The following PPFIA2 variants were observed in gnomAD, a reference collection of about 807,000 sequenced individuals.
PPFIA2 encodes liprin-alpha-2.
Under a neutral mutation model 175.5 loss-of-function variants are expected in PPFIA2, and 46 were observed. That is an observed-to-expected ratio of 0.26 (90% CI 0.21 to 0.34). The LOEUF is 0.34. Ranked by LOEUF, PPFIA2 falls within the 10% of genes least tolerant of loss-of-function variation. The pLI, the probability that PPFIA2 is intolerant of heterozygous loss-of-function variation, is 1.00. For missense variants in PPFIA2, 1,179 were observed against 1,506.1 expected (o/e 0.78, Z 3.60); for synonymous variants, 568 against 511.4 (o/e 1.11, Z -1.49).
chr12:81,597,041 C>A (rs148181111), intron 4 of PPFIA2, among the ~76,000 whole-genome samples: 10 of 152,148 alleles, frequency 6.6e-5, no homozygotes, highest in African/African-American at 2.2e-4. Context: ...ATTCTCTAGG[C>A]CGTTATACTT....
At chr12:81,701,611 A>C (rs551305842) in intron 3 of PPFIA2, among the ~76,000 whole-genome samples, 1 of 152,140 alleles carries the variant, frequency 6.6e-6, no homozygotes, top group Non-Finnish European at 1.5e-5. Flanking sequence ...AATGAAGATA[A>C]AAATTATAAC....
intron 4 of PPFIA2, among the ~76,000 whole-genome samples, chr12:81,583,053 G>T (rs921193275): frequency 6.6e-6 from 1 of 151,628 alleles, no homozygotes; most frequent in Non-Finnish European, 1.5e-5. Flanking sequence ...TTAATATTTC[G>T]TGGCATCTGC....
chr12:81,457,856 G>A lies in PPFIA2; in HGVS notation c.314C>T (p.Ala105Val). The A allele has an allele frequency of 6.3e-7, 1 of 1,587,160 alleles. No homozygotes were observed. The change falls in exon 5 of 33, where the codon GCA becomes GTA. Residue 105 changes from alanine (A) to valine (V), a missense_variant. Transcript: ENST00000549396. ...GCAGGCATTTAATTCTTTTGTCAGTGCAGCAAATTCCTGGAAAAGTAATAA... is the reference window on the plus strand; with the variant it reads ...GCAGGCATTTAATTCTTTTGTCAGTACAGCAAATTCCTGGAAAAGTAATAA... The part of the protein sequence containing the change: ...SKGADPPEFA[A>V]LTKELNACRE...
chr12:81,518,048 C>T (rs866836195), intron 4 of PPFIA2, among the ~76,000 whole-genome samples: 1 of 152,104 alleles, frequency 6.6e-6, no homozygotes, highest in Admixed American at 6.5e-5. Flanking sequence ...ATGCAACAAA[C>T]TTGCACGTTG....
At chr12:81,728,926 G>A (rs1266951096) in intron 3 of PPFIA2, among the ~76,000 whole-genome samples, 2 of 151,316 alleles carry the variant, frequency 1.3e-5, no homozygotes, top group Non-Finnish European at 3.0e-5. Context: ...ACATTTTTAA[G>A]GAAATTCTCA....
In PPFIA2 at chr12:81,571,870, A is replaced by G. The variant is rs565226111; in HGVS notation, c.303+104921T>C. 2.6e-4 allele frequency among the ~76,000 whole-genome samples: 40 copies of G among 152,254 alleles called. No homozygotes were observed. In the South Asian group the frequency reaches 8.3e-3, roughly 32 times the overall value. ...ACACATTGTAGGTATTAAGAATTGA[A>G]TAAAAGAGAAATCCAGTGTATTCCA... On this transcript the variant is annotated intron_variant, in intron 4 of 32. Coordinates refer to ENST00000549396, the MANE Select transcript of PPFIA2 (RefSeq NM_003625.5).
chr12:81,618,034 G>T (rs2061585295), intron 4 of PPFIA2, among the ~76,000 whole-genome samples: 1 of 152,132 alleles, frequency 6.6e-6, no homozygotes, highest in African/African-American at 2.4e-5. Flanking sequence ...TTTTCTCAGG[G>T]CATTTGCAGT....
chr12:81,394,221 C>A (rs2040667924), intron 8 of PPFIA2, among the ~76,000 whole-genome samples: 1 of 151,872 alleles, frequency 6.6e-6, no homozygotes. Flanking sequence ...TTTTAGATAA[C>A]TTAGGCAGAA....
chr12:81,584,876 A>T (rs867455338), intron 4 of PPFIA2, among the ~76,000 whole-genome samples: 8 of 48,450 alleles, frequency 1.7e-4, no homozygotes, highest in Admixed American at 2.7e-4. Flanking sequence ...TATATTATAT[A>T]ATTATATATT....
At chr12:81,313,470 A>T (rs890496214) in intron 22 of PPFIA2, among the ~76,000 whole-genome samples, 1 of 152,188 alleles carries the variant, frequency 6.6e-6, no homozygotes. Context: ...AAAAAAATGC[A>T]TATTTTTGGC....
intron 4 of PPFIA2, among the ~76,000 whole-genome samples, chr12:81,674,957 C>G (rs1337215511): frequency 1.3e-5 from 2 of 151,990 alleles, no homozygotes; most frequent in Admixed American, 6.6e-5. Flanking sequence ...ATGTGTACTA[C>G]TGAACCCCTA....
chr12:81,461,314 G>C (rs2054504949), intron 4 of PPFIA2, among the ~76,000 whole-genome samples: 1 of 152,022 alleles, frequency 6.6e-6, no homozygotes, highest in Non-Finnish European at 1.5e-5. Context: ...CGCTCAATAT[G>C]ACCCACTTTG....
chr12:81,316,055 A>G (rs568404546), intron 22 of PPFIA2, among the ~76,000 whole-genome samples: 1 of 151,748 alleles, frequency 6.6e-6, no homozygotes, highest in African/African-American at 2.4e-5. Context: ...GAGAATCTGA[A>G]CCAAAGATAT....
chr12:81,678,627 C>A (rs1209834823), intron 3 of PPFIA2, among the ~76,000 whole-genome samples: 1 of 151,784 alleles, frequency 6.6e-6, no homozygotes, highest in Non-Finnish European at 1.5e-5. Flanking sequence ...AGAAACTACT[C>A]CTTCCCCTCT....
At chr12:81,360,808 T>C (rs1379395977) in intron 15 of PPFIA2, among the ~76,000 whole-genome samples, 3 of 151,706 alleles carry the variant, frequency 2.0e-5, no homozygotes, top group Non-Finnish European at 4.4e-5. Context: ...TAGCTTACCT[T>C]AATTATTTCT....
chr12:81,412,516 C>T (rs962084249), intron 7 of PPFIA2, among the ~76,000 whole-genome samples: 25 of 151,942 alleles, frequency 1.6e-4, no homozygotes, highest in African/African-American at 5.5e-4. Flanking sequence ...GTAAAAGACC[C>T]TGAGACTATT....
chr12:81,613,489 A>C (rs2061137838), intron 4 of PPFIA2, among the ~76,000 whole-genome samples: 1 of 152,156 alleles, frequency 6.6e-6, no homozygotes, highest in African/African-American at 2.4e-5. Flanking sequence ...CTGACTCAAT[A>C]AAATATTTCT....
intron 4 of PPFIA2, among the ~76,000 whole-genome samples, chr12:81,640,291 G>A (rs919518418): frequency 6.6e-6 from 1 of 152,068 alleles, no homozygotes; most frequent in South Asian, 2.1e-4. Context: ...GAAAGCAGGA[G>A]ATACAAAAGA....
At chr12:81,680,498 A>G (rs948970486) in intron 3 of PPFIA2, among the ~76,000 whole-genome samples, 25 of 151,996 alleles carry the variant, frequency 1.6e-4, no homozygotes, top group African/African-American at 5.6e-4. Context: ...CCCTGGTGAC[A>G]CTGCACATAT....
Sources: gnomAD v4.1 joint callset for allele counts (sites outside exome capture counted in the v4.1 genomes callset) on GRCh38, gnomAD v4.1.1 for gene constraint, MANE v1.5 for transcripts, NCBI Gene and HGNC (gene_info 2026-07-23, HGNC 2026-07-21) for gene names.